Variants in COL11A1 observed in about 807,000 individuals in gnomAD.
The protein encoded by COL11A1 is collagen type XI alpha 1 chain.
Under a neutral mutation model 265.2 loss-of-function variants are expected in COL11A1, and 74 were observed. The ratio of observed to expected loss-of-function variants is 0.28; its 90% confidence interval spans 0.23 to 0.34. COL11A1 has a LOEUF of 0.34. COL11A1 is among the 10% of genes least tolerant of loss of function. The pLI is 1.00. For missense variants in COL11A1, 2,165 were observed against 2,263.6 expected, an observed-to-expected ratio of 0.96 and a Z score of 0.88; for synonymous variants, 816 against 727.6, an observed-to-expected ratio of 1.12 and a Z score of -1.96.
chr1:102,916,282 A>G (rs1655332088), intron 49 of COL11A1, among the ~76,000 whole-genome samples: 1 of 152,158 alleles, frequency 6.6e-6, no homozygotes, highest in Non-Finnish European at 1.5e-5. Flanking sequence ...CTGTTTACAT[A>G]TGAATGGCTT....
intron 44 of COL11A1, among the ~76,000 whole-genome samples, chr1:102,937,489 G>A (rs2101255555): frequency 6.6e-6 from 1 of 152,298 alleles, no homozygotes. Flanking sequence ...CCAGTGTTGG[G>A]GGTGGGGCCT....
intron 54 of COL11A1, among the ~76,000 whole-genome samples, chr1:102,909,743 TA>T (rs1570698023): frequency 6.6e-6 from 1 of 152,016 alleles, no homozygotes; most frequent in East Asian, 1.9e-4. Flanking sequence ...GTAGAGCAAA[TA>T]TATAATCTAA....
chr1:102,914,297 A>C (rs1655043732), intron 52 of COL11A1, 55 bp downstream of exon 52: 1 of 1,370,320 alleles, frequency 7.3e-7, no homozygotes, highest in African/African-American at 1.4e-5. Flanking sequence ...TTAACAATAC[A>C]GAAATTGGAA....
intron 54 of COL11A1, among the ~76,000 whole-genome samples, chr1:102,910,003 G>A (rs994027): frequency 0.12 from 18,028 of 151,626 alleles, 1,317 homozygotes; most frequent in Non-Finnish European, 0.15. Context: ...TATCAATAGC[G>A]TCAACATTAT....
chr1:103,007,866 CAAA>C (rs34520764), intron 15 of COL11A1, among the ~76,000 whole-genome samples: 2 of 97,106 alleles, frequency 2.1e-5, no homozygotes. Context: ...GACTCTGTCT[CAAA>C]AAAAAAAAAA....
In COL11A1 at chr1:102,976,354, G is replaced by A. The variant is rs1212786388; in HGVS notation, c.2755-1471C>T. Among the ~76,000 whole-genome samples, 26 of 131,380 alleles carry A rather than the reference G, an allele frequency of 2.0e-4. 1 individual carries two copies. Among genetic ancestry groups the A allele is most frequent in the African/African-American group, 7.0e-4 (25 of 35,474 alleles). 86.2% of individuals were successfully genotyped at this position (131,380 alleles called of 152,430 possible). On this transcript the variant is annotated intron_variant, in intron 35 of 66. Coordinates refer to ENST00000370096, the MANE Select transcript of COL11A1 (RefSeq NM_001854.4). ...TGCTCTGTTGCCCAGGCTGGAGTGC[G>A]GTGGCACGATCTTGGCTCACTGCAA...
chr1:102,995,880 C>A lies in COL11A1; in HGVS notation c.2324G>T (p.Gly775Val). 6.2e-7 allele frequency: 1 copy of A among 1,610,618 alleles called. No individual in the cohort carries two copies. Among genetic ancestry groups the A allele is most frequent in the Non-Finnish European group, 8.5e-7 (1 of 1,178,280 alleles). The change falls in exon 28 of 67, where the codon GGA becomes GTA. Residue 775 changes from glycine to valine, a missense_variant. Transcript: ENST00000370096. ...KGADGVRGLK[G>V]SKGEKGEDGF... ...AAATTTTACCTTTTCACCTTTAGATCCCTTGAGACCTCTGACACCATCTGC... is the reference window on the plus strand; with the variant it reads ...AAATTTTACCTTTTCACCTTTAGATACCTTGAGACCTCTGACACCATCTGC...
At chr1:102,907,688 A>G (rs1364980024) in intron 54 of COL11A1, among the ~76,000 whole-genome samples, 3 of 151,920 alleles carry the variant, frequency 2.0e-5, no homozygotes, top group Non-Finnish European at 4.4e-5. Context: ...CACAAGACAT[A>G]CATATACACA....
rs1465324011 is a variant in COL11A1 at position 102,886,986 on chromosome 1, C to T, written c.4679G>A (p.Gly1560Asp). 3.1e-6 allele frequency: 5 copies of T among 1,613,872 alleles called. No individual in the cohort carries two copies. The highest frequency in any genetic ancestry group is 3.3e-4 in the Middle Eastern group (2 of 6,058). ...ATTATCATCTGCATCTGCTTGCATG[C>T]CTTCAGTATGTCTTCTCGTTTTTTT... ...SSKKTRRHTE[G>D]MQADADDNIL... Residue 1560 changes from glycine to aspartate, a missense_variant, in exon 63 of 67, where the codon GGC becomes GAC. Transcript: ENST00000370096.
At chr1:103,059,968 T>G (rs564314065) in intron 4 of COL11A1, among the ~76,000 whole-genome samples, 1 of 152,220 alleles carries the variant, frequency 6.6e-6, no homozygotes, top group East Asian at 1.9e-4. Flanking sequence ...CAATAGTGAC[T>G]GAGAATTTGC....
At position 103,108,151 on chromosome 1, in the gene COL11A1, T is replaced by C. The variant is rs1448932139; in HGVS notation, c.28A>G (p.Thr10Ala). ...GTGAAATCCCAGAGCCACCGTTTCG[T>C]TTTCCACCTAGAGGACCACGGCTCC... MEPWSSRWK[T>A]KRWLWDFTVT... The change falls in exon 1 of 67, where the codon ACG becomes GCG. Residue 10 changes from threonine to alanine, a missense_variant. By Grantham distance (58) the Thr-to-Ala change is moderately conservative. Coordinates refer to ENST00000370096, the MANE Select transcript of COL11A1 (RefSeq NM_001854.4). The C allele has an allele frequency of 5.0e-6, 8 of 1,613,616 alleles. No individual in the cohort carries two copies. Among genetic ancestry groups the C allele is most frequent in the Non-Finnish European group, 6.8e-6 (8 of 1,179,924 alleles).
At chr1:102,882,449 G>GT (rs1650382214) in intron 64 of COL11A1, among the ~76,000 whole-genome samples, 1 of 152,224 alleles carries the variant, frequency 6.6e-6, no homozygotes, top group Non-Finnish European at 1.5e-5. Flanking sequence ...GATGGAAGTT[G>GT]TTTTTTCTCC....
intron 53 of COL11A1, among the ~76,000 whole-genome samples, chr1:102,912,647 T>C (rs1054317747): frequency 6.6e-6 from 1 of 152,152 alleles, no homozygotes; most frequent in Non-Finnish European, 1.5e-5. Context: ...CATACTGATA[T>C]GGTTTGGCTG....
intron 13 of COL11A1, among the ~76,000 whole-genome samples, chr1:103,013,892 T>C (rs1666333702): frequency 6.6e-6 from 1 of 151,992 alleles, no homozygotes; most frequent in South Asian, 2.1e-4. Context: ...TATTCTAATT[T>C]CAATGAAACT....
chr1:103,010,989 C>A (rs1034705482), intron 14 of COL11A1, among the ~76,000 whole-genome samples: 1 of 152,084 alleles, frequency 6.6e-6, no homozygotes, highest in African/African-American at 2.4e-5. Flanking sequence ...TGCGAGCCAC[C>A]GCGCCCAGCC....
chr1:102,886,968 T>C lies in COL11A1; in HGVS notation c.4697A>G (p.Asp1566Gly). ...RHTEGMQADA[D>G]DNILDYSDGM... The stretch of plus-strand genomic sequence containing the variant: ...ATCCGAGTAATCAAGAATATTATCA[T>C]CTGCATCTGCTTGCATGCCTTCAGT... The change falls in exon 63 of 67, where the codon GAT (aspartate) becomes GGT (glycine). Residue 1566 changes from aspartate (D) to glycine (G), a missense_variant. Asp to Gly is a moderately conservative substitution (Grantham distance 94, BLOSUM62 -1). Coordinates refer to ENST00000370096, the MANE Select transcript of COL11A1 (RefSeq NM_001854.4). The C allele has an allele frequency of 1.2e-6, 2 of 1,613,956 alleles. No homozygotes were observed. Among genetic ancestry groups the C allele is most frequent in the Non-Finnish European group, 1.7e-6 (2 of 1,179,882 alleles).
At chr1:103,023,034 G>T in intron 7 of COL11A1, 38 bp from the exon 8 acceptor site, 1 of 1,598,356 alleles carries the variant, frequency 6.3e-7, no homozygotes, top group Non-Finnish European at 8.5e-7. Flanking sequence ...GGAACATGAA[G>T]TTTATTGTTA....
At chr1:103,080,259 A>G (rs1475563390) in intron 2 of COL11A1, among the ~76,000 whole-genome samples, 1 of 152,044 alleles carries the variant, frequency 6.6e-6, no homozygotes, top group South Asian at 2.1e-4. Flanking sequence ...CAGTATCTCA[A>G]TTGAAAGTTC....
At chr1:103,039,355 G>A (rs1455136375) in intron 4 of COL11A1, among the ~76,000 whole-genome samples, 1 of 152,084 alleles carries the variant, frequency 6.6e-6, no homozygotes, top group Non-Finnish European at 1.5e-5. Flanking sequence ...GGGTTAAATT[G>A]TGTCCCCTCG....
Sources: gnomAD v4.1 joint callset for allele counts (sites outside exome capture counted in the v4.1 genomes callset) on GRCh38, gnomAD v4.1.1 for gene constraint, MANE v1.5 for transcripts, NCBI Gene and HGNC (gene_info 2026-07-23, HGNC 2026-07-21) for gene names.